Variants in KIAA0319 observed in about 807,000 individuals in gnomAD.
KIAA0319 encodes the protein dyslexia-associated protein KIAA0319.
In KIAA0319, 83 loss-of-function variants were observed where a neutral mutation model predicts 108.4. That is an observed-to-expected ratio of 0.77 (90% CI 0.64 to 0.92). The LOEUF is 0.92. Among genes scored for constraint, KIAA0319 ranks in the 40% least tolerant of loss-of-function variants. The pLI, the probability that KIAA0319 is intolerant of heterozygous loss-of-function variation, is 0.00. For missense variants in KIAA0319, 1,195 were observed against 1,322.4 expected (o/e 0.90, Z 1.49); for synonymous variants, 484 against 510.4 (o/e 0.95, Z 0.70).
intron 1 of KIAA0319, among the ~76,000 whole-genome samples, chr6:24,644,374 C>T (rs1042712166): frequency 1.3e-5 from 2 of 152,012 alleles, no homozygotes; most frequent in African/African-American, 4.8e-5. Flanking sequence ...CCATTTATTT[C>T]TATGTTTAAT....
In KIAA0319 at chr6:24,646,045, G is replaced by A. The variant is rs1384963152; in HGVS notation, c.-415C>T. ...CTGCTGCGCTCTCACCTCCGGCAGT[G>A]ACAGCGAGCGCCGCCGCCGCTCTGC... On this transcript the variant is annotated 5_prime_UTR_variant, in exon 1 of 21. Coordinates refer to ENST00000378214, the MANE Select transcript of KIAA0319 (RefSeq NM_014809.4). The A allele has an allele frequency of 6.5e-6, 1 of 152,756 alleles. No homozygotes were observed. Among genetic ancestry groups the A allele is most frequent in the Non-Finnish European group, 1.5e-5 (1 of 68,510 alleles). The allele number at this position is 152,756 out of a possible 1,614,324, so 9.5% of individuals were successfully genotyped here. A position where few individuals can be genotyped will look rare whatever the true frequency, so the allele number is the denominator to read the frequency against.
rs1209144935 is a variant in KIAA0319, at chr6:24,563,535, T to C, written c.2432-17A>G. ...TCCTAGGGTCTGGGGAAAGAGAAGA[T>C]ACAGGATTTGCACTTGGACATTTGC... On this transcript the variant is annotated splice_polypyrimidine_tract_variant and intron_variant, in intron 15 of 20. Transcript: ENST00000378214. 15 of 1,596,488 alleles carry C rather than the reference T, an allele frequency of 9.4e-6. No individual in the cohort carries two copies. Among genetic ancestry groups the C allele is most frequent in the Non-Finnish European group, 1.2e-5 (14 of 1,173,712 alleles).
chr6:24,582,671 A>T (rs1008341423), intron 5 of KIAA0319, among the ~76,000 whole-genome samples: 2 of 151,160 alleles, frequency 1.3e-5, no homozygotes, highest in Non-Finnish European at 2.9e-5. Context: ...AAAAAAAAAA[A>T]ACCTCCCTAA....
intron 1 of KIAA0319, among the ~76,000 whole-genome samples, chr6:24,618,517 G>A (rs1359783602): frequency 6.6e-6 from 1 of 151,950 alleles, no homozygotes; most frequent in Non-Finnish European, 1.5e-5. Context: ...AGGAGGCTGA[G>A]GTGGGAGAGT....
At chr6:24,551,103 C>G (rs699462) in intron 20 of KIAA0319, among the ~76,000 whole-genome samples, 17,929 of 151,908 alleles carry the variant, frequency 0.12, 1,134 homozygotes, top group Non-Finnish European at 0.14. Flanking sequence ...CTCAGCCTCC[C>G]GAATAGCTGG....
chr6:24,592,050 A>C (rs2127510215), intron 3 of KIAA0319, among the ~76,000 whole-genome samples: 1 of 152,252 alleles, frequency 6.6e-6, no homozygotes, highest in African/African-American at 2.4e-5. Flanking sequence ...TATTAATTCA[A>C]ATTTACCATT....
chr6:24,567,227 T>G (rs555285571), intron 13 of KIAA0319, among the ~76,000 whole-genome samples: 95 of 151,836 alleles, frequency 6.3e-4, no homozygotes, highest in African/African-American at 2.0e-3. Flanking sequence ...GTAGGCTGGG[T>G]GCAGTGGCTC....
At chr6:24,627,975 T>C (rs2179515) in intron 1 of KIAA0319, among the ~76,000 whole-genome samples, 107,661 of 152,102 alleles carry the variant, frequency 0.71, 38,762 homozygotes, top group East Asian at 0.87. Context: ...CAAATACTGC[T>C]TATTCTAGGG....
intron 3 of KIAA0319, among the ~76,000 whole-genome samples, chr6:24,593,870 T>C (rs1162313819): frequency 1.3e-5 from 2 of 151,750 alleles, no homozygotes; most frequent in African/African-American, 4.8e-5. Flanking sequence ...ATAAAGAACA[T>C]GGTTAATCTC....
Position 24,551,541 on chromosome 6 carries a change from A to G in KIAA0319, c.2949-16T>C, listed in dbSNP as rs1392707907. On this transcript the variant is annotated splice_polypyrimidine_tract_variant and intron_variant, in intron 19 of 20. Coordinates refer to ENST00000378214, the MANE Select transcript of KIAA0319 (RefSeq NM_014809.4). Reference sequence around the variant, plus strand: ...CCTTTTTTGTCTGAAAGGAACAATGAAAAGCTCAACTCAGATCTTTAGAAA... The same window carrying G: ...CCTTTTTTGTCTGAAAGGAACAATGGAAAGCTCAACTCAGATCTTTAGAAA... The G allele has an allele frequency of 1.3e-6, 2 of 1,515,358 alleles. No homozygotes were observed. Among genetic ancestry groups the G allele is most frequent in the Admixed American group, 3.3e-5 (2 of 59,906 alleles). 93.9% of individuals were successfully genotyped at this position (1,515,358 alleles called of 1,614,324 possible).
At chr6:24,568,087 G>A (rs543766760) in intron 13 of KIAA0319, among the ~76,000 whole-genome samples, 23 of 152,260 alleles carry the variant, frequency 1.5e-4, no homozygotes, top group African/African-American at 4.3e-4. Context: ...AGCATGGCCC[G>A]TGGCACATAC....
At chr6:24,602,800 C>CA (rs145830059) in intron 1 of KIAA0319, among the ~76,000 whole-genome samples, 16,387 of 150,356 alleles carry the variant, frequency 0.11, 2,036 homozygotes, top group African/African-American at 0.31. Context: ...GACCCCGTCT[C>CA]AAAAAAAACA....
At chr6:24,591,209 A>G (rs1160951599) in intron 3 of KIAA0319, among the ~76,000 whole-genome samples, 1 of 152,118 alleles carries the variant, frequency 6.6e-6, no homozygotes, top group Non-Finnish European at 1.5e-5. Flanking sequence ...TTCTATATGG[A>G]CATGTTTTCT....
intron 3 of KIAA0319, among the ~76,000 whole-genome samples, chr6:24,595,556 A>AC (rs1222461781): frequency 3.4e-5 from 5 of 148,656 alleles, no homozygotes; most frequent in South Asian, 4.3e-4. Context: ...CAAAAAAAAA[A>AC]AAAAAAAAAA....
At chr6:24,608,937 A>AC (rs1771860948) in intron 1 of KIAA0319, among the ~76,000 whole-genome samples, 1 of 136,936 alleles carries the variant, frequency 7.3e-6, no homozygotes, top group Non-Finnish European at 1.7e-5. Context: ...TCTCAAAAAA[A>AC]AAAAAAAAAA....
intron 1 of KIAA0319, among the ~76,000 whole-genome samples, chr6:24,637,637 TG>T (rs1421140420): frequency 6.6e-6 from 1 of 152,230 alleles, no homozygotes; most frequent in African/African-American, 2.4e-5. Context: ...ATATTCGTAA[TG>T]TTTTTTATTT....
chr6:24,550,667 A>C (rs1166075617), intron 20 of KIAA0319, among the ~76,000 whole-genome samples: 1 of 152,214 alleles, frequency 6.6e-6, no homozygotes, highest in African/African-American at 2.4e-5. Flanking sequence ...TAAAGTCCAA[A>C]TGTCCTCTTG....
chr6:24,613,532 T>A (rs1277830342), intron 1 of KIAA0319, among the ~76,000 whole-genome samples: 3 of 152,118 alleles, frequency 2.0e-5, no homozygotes, highest in African/African-American at 7.2e-5. Context: ...AGCTGACATT[T>A]ACACTTCACT....
chr6:24,640,075 A>AT (rs954699377), intron 1 of KIAA0319, among the ~76,000 whole-genome samples: 4 of 151,408 alleles, frequency 2.6e-5, no homozygotes, highest in Admixed American at 6.6e-5. Context: ...AAAGGCTGCA[A>AT]TTTTTTTTTA....
Sources: allele counts gnomAD v4.1 joint callset (sites outside exome capture counted in the v4.1 genomes callset), GRCh38; gene constraint gnomAD v4.1.1; transcripts MANE v1.5; gene names NCBI Gene and HGNC (gene_info 2026-07-23, HGNC 2026-07-21).